Variants in PARVB observed in about 807,000 individuals in gnomAD.
The protein encoded by PARVB is parvin beta.
PARVB carries 46 observed loss-of-function variants against 47.0 expected under a neutral mutation model. The observed-to-expected ratio is 0.98, with a 90% CI of 0.77 to 1.25. PARVB has a LOEUF of 1.25. PARVB is among the 50% of genes most tolerant of loss of function. PARVB has a pLI of 0.00. For missense variants in PARVB, 473 were observed against 471.6 expected, an observed-to-expected ratio of 1.00 and a Z score of -0.03; for synonymous variants, 196 against 196.3, an observed-to-expected ratio of 1.00 and a Z score of 0.01.
At chr22:44,119,508 T>A (rs142135261) in intron 4 of PARVB, among the ~76,000 whole-genome samples, 122 of 152,306 alleles carry the variant, frequency 8.0e-4, no homozygotes, top group African/African-American at 2.7e-3. Flanking sequence ...GCAGCAATAT[T>A]CTGTGAGTGA....
intron 2 of PARVB, among the ~76,000 whole-genome samples, chr22:44,097,719 C>G (rs962655943): frequency 7.2e-5 from 11 of 152,170 alleles, no homozygotes; most frequent in African/African-American, 2.2e-4. Flanking sequence ...CTGCCTGGGG[C>G]CTGCTGTCCA....
intron 11 of PARVB, among the ~76,000 whole-genome samples, chr22:44,163,426 T>C (rs567587105): frequency 6.6e-6 from 1 of 152,320 alleles, no homozygotes; most frequent in African/African-American, 2.4e-5. Context: ...TGCAGTGAGC[T>C]GAGATCTCGC....
At chr22:44,143,060 G>A (rs1339470589) in intron 8 of PARVB, 1 of 152,214 alleles carries the variant, frequency 6.6e-6, no homozygotes, top group Non-Finnish European at 1.5e-5. Flanking sequence ...TCACCTGAAT[G>A]CTCTCCCTCT....
chr22:44,117,833 T>TG (rs11421071), intron 3 of PARVB, among the ~76,000 whole-genome samples: 108,486 of 152,016 alleles, frequency 0.71, 39,921 homozygotes, highest in African/African-American at 0.92. Flanking sequence ...ATGAGATCAT[T>TG]TATTAGTTTT....
intron 1 of PARVB, among the ~76,000 whole-genome samples, chr22:44,093,518 C>G (rs1448992534): frequency 1.3e-5 from 2 of 152,326 alleles, no homozygotes; most frequent in East Asian, 3.9e-4. Context: ...CATCTTGAGT[C>G]CGTGGTTCAG....
Position 44,129,330 on chromosome 22 carries a change from C to A in PARVB, c.377-2157C>A, listed in dbSNP as rs143503018. ...TGGCCTCCAGAGCTGTGACATAAAT[C>A]TCCGTTGTTTAAGCCGCACGGTGTG... On this transcript the variant is annotated intron_variant, in intron 4 of 12. Transcript: ENST00000338758. 5.9e-5 allele frequency among the ~76,000 whole-genome samples: 9 copies of A among 152,302 alleles called. No homozygotes were observed. In the East Asian group the frequency reaches 1.7e-3, roughly 29 times the overall value.
chr22:44,053,592 G>A lies in PARVB; in HGVS notation c.112+29141G>A, dbSNP rs560162788. 5.3e-5 allele frequency among the ~76,000 whole-genome samples: 8 copies of A among 152,216 alleles called. No homozygotes were observed. The South Asian group carries it at 1.7e-3, about 32-fold the overall frequency. On this transcript the variant is annotated intron_variant, in intron 1 of 12. Transcript: ENST00000338758. Reference sequence around the variant, plus strand: ...TGGGTTTTTCCTGCACCAACTGGCGGATACCAGCTGGATGTCCCCTAGTTC... The same window carrying A: ...TGGGTTTTTCCTGCACCAACTGGCGAATACCAGCTGGATGTCCCCTAGTTC...
chr22:44,108,587 TA>T (rs1197929291), intron 3 of PARVB: 2 of 151,902 alleles, frequency 1.3e-5, no homozygotes, highest in Admixed American at 6.6e-5. Context: ...CGAAGGGAGA[TA>T]GGGGTGGGGC....
intron 1 of PARVB, among the ~76,000 whole-genome samples, chr22:44,065,707 G>A (rs2051505752): frequency 6.6e-6 from 1 of 152,168 alleles, no homozygotes; most frequent in African/African-American, 2.4e-5. Flanking sequence ...TCCTGCTTCT[G>A]AGTGAGAACA....
intron 1 of PARVB, chr22:44,086,630 C>A: frequency 2.3e-6 from 1 of 427,142 alleles, no homozygotes; most frequent in Non-Finnish European, 3.1e-6. Context: ...GCTGCCGAGG[C>A]TGATGATGTT....
intron 2 of PARVB, 96 bp downstream of exon 2, chr22:44,094,113 G>T: frequency 1.5e-6 from 1 of 655,778 alleles, no homozygotes. Context: ...GATAGATCTG[G>T]CCTCTTGATC....
intron 1 of PARVB, among the ~76,000 whole-genome samples, chr22:44,092,961 G>A (rs190743297): frequency 6.6e-6 from 1 of 152,322 alleles, no homozygotes; most frequent in Non-Finnish European, 1.5e-5. Flanking sequence ...TACAGCTCCG[G>A]GCACACTGGC....
chr22:44,035,818 A>G (rs2050912594), intron 1 of PARVB, among the ~76,000 whole-genome samples: 1 of 151,116 alleles, frequency 6.6e-6, no homozygotes, highest in Non-Finnish European at 1.5e-5. Context: ...TTTTACTATG[A>G]TATGGAATTT....
upstream of PARVB, among the ~76,000 whole-genome samples, chr22:44,019,492 T>C (rs2050621763): frequency 1.3e-5 from 2 of 152,222 alleles, no homozygotes; most frequent in African/African-American, 4.8e-5. Context: ...AGTGCTGGGA[T>C]TGCAGGCATG....
At chr22:44,054,731 G>A (rs1233116993) in intron 1 of PARVB, among the ~76,000 whole-genome samples, 1 of 152,010 alleles carries the variant, frequency 6.6e-6, no homozygotes, top group South Asian at 2.1e-4. Context: ...GCTCACACCT[G>A]TAATCCCAGC....
At chr22:44,014,721 T>C (rs1460140278) in intron 2 of PARVB, among the ~76,000 whole-genome samples, 1 of 152,196 alleles carries the variant, frequency 6.6e-6, no homozygotes, top group African/African-American at 2.4e-5. Context: ...GGAAAGTTTT[T>C]CCGGTTTGAT....
intron 1 of PARVB, chr22:44,081,691 C>T (rs1277952456): frequency 1.1e-6 from 1 of 900,038 alleles, no homozygotes; most frequent in African/African-American, 1.8e-5. Flanking sequence ...CAGCGGGTTC[C>T]ATTGCCCCCC....
At chr22:44,137,906 C>T (rs1374524718) in intron 7 of PARVB, among the ~76,000 whole-genome samples, 1 of 152,186 alleles carries the variant, frequency 6.6e-6, no homozygotes, top group Non-Finnish European at 1.5e-5. Context: ...ACAGACTCTG[C>T]CTCCTTGTGC....
At chr22:44,099,942 G>C in intron 2 of PARVB, 111 bp from the exon 3 acceptor site, 1 of 861,564 alleles carries the variant, frequency 1.2e-6, no homozygotes. Flanking sequence ...CTCCCCTAGT[G>C]CTGGGTTCTC....
Sources: allele counts gnomAD v4.1 joint callset (sites outside exome capture counted in the v4.1 genomes callset), GRCh38; gene constraint gnomAD v4.1.1; transcripts MANE v1.5; gene names NCBI Gene and HGNC (gene_info 2026-07-23, HGNC 2026-07-21).